TRHDE: variants seen among roughly 807,000 people sequenced by gnomAD.
TRHDE encodes the protein thyrotropin releasing hormone degrading enzyme.
Under a neutral mutation model 125.7 loss-of-function variants are expected in TRHDE, and 72 were observed. That is an observed-to-expected ratio of 0.57 (90% CI 0.47 to 0.70). TRHDE has a LOEUF of 0.70. TRHDE is among the 30% of genes least tolerant of loss of function. The pLI is 0.00. For missense variants in TRHDE, 1,110 were observed against 1,327.1 expected (o/e 0.84, Z 2.54); for synonymous variants, 509 against 509.1 (o/e 1.00, Z 0.00).
intron 5 of TRHDE, 67 bp downstream of exon 5, chr12:72,473,247 C>A: frequency 1.6e-6 from 2 of 1,246,066 alleles, no homozygotes; most frequent in Non-Finnish European, 2.3e-6. Context: ...TAGGCTTATA[C>A]CATCCTTAGA....
intron 6 of TRHDE, among the ~76,000 whole-genome samples, chr12:72,511,052 T>C (rs1279387747): frequency 6.6e-6 from 1 of 152,172 alleles, no homozygotes; most frequent in Non-Finnish European, 1.5e-5. Context: ...TTTCAGTTAA[T>C]ATAAGAAAGA....
intron 1 of TRHDE, among the ~76,000 whole-genome samples, chr12:72,094,001 G>T (rs1874851486): frequency 6.6e-6 from 1 of 152,162 alleles, no homozygotes; most frequent in Non-Finnish European, 1.5e-5. Context: ...CAGGTCCCTG[G>T]GATGATGAGA....
intron 2 of TRHDE, among the ~76,000 whole-genome samples, chr12:72,288,648 A>G (rs891937021): frequency 7.2e-5 from 11 of 152,152 alleles, no homozygotes; most frequent in African/African-American, 2.4e-4. Flanking sequence ...CAGCTAGCAT[A>G]GGGTACACTG....
At chr12:72,638,634 G>A (rs4300427) in intron 15 of TRHDE, among the ~76,000 whole-genome samples, 9,934 of 151,964 alleles carry the variant, frequency 0.065, 420 homozygotes, top group Middle Eastern at 0.13. Context: ...ATTTTGCAGC[G>A]GCTGGTACCG....
intron 3 of TRHDE, among the ~76,000 whole-genome samples, chr12:72,440,668 G>T (rs1244175000): frequency 6.6e-6 from 1 of 151,850 alleles, no homozygotes; most frequent in Non-Finnish European, 1.5e-5. Context: ...AGATTAAACA[G>T]TGACAGTAAG....
intron 12 of TRHDE, among the ~76,000 whole-genome samples, chr12:72,596,746 C>T (rs1426525614): frequency 6.6e-6 from 1 of 152,102 alleles, no homozygotes; most frequent in African/African-American, 2.4e-5. Flanking sequence ...GATACTTGAT[C>T]TCAAGCACTT....
chr12:72,557,855 T>C (rs1398542047), intron 7 of TRHDE, among the ~76,000 whole-genome samples: 1 of 152,192 alleles, frequency 6.6e-6, no homozygotes, highest in Non-Finnish European at 1.5e-5. Context: ...CCTGTATTAA[T>C]ATTTAAATAT....
At chr12:72,313,269 A>T (rs533923336) in intron 2 of TRHDE, among the ~76,000 whole-genome samples, 3 of 152,120 alleles carry the variant, frequency 2.0e-5, no homozygotes, top group East Asian at 3.8e-4. Context: ...CCAAATATTC[A>T]TACAAGTTTT....
In TRHDE at chr12:72,637,112, G is replaced by A. The variant is rs1176501228; in HGVS notation, c.2676-15210G>A. Among the ~76,000 whole-genome samples the A allele has an allele frequency of 6.6e-5, 10 of 152,146 alleles. No individual in the cohort carries two copies. In the East Asian group the frequency reaches 9.7e-4, roughly 15 times the overall value. ...CCTCCTTGTACCTCTGGTAGAATTCGGCTGTGAATCCATCTGGTCCCGGAC... is the reference window on the plus strand; with the variant it reads ...CCTCCTTGTACCTCTGGTAGAATTCAGCTGTGAATCCATCTGGTCCCGGAC... On this transcript the variant is annotated intron_variant, in intron 15 of 18. Transcript: ENST00000261180.
chr12:72,566,735 A>G (rs767563441), intron 9 of TRHDE, among the ~76,000 whole-genome samples: 2 of 151,950 alleles, frequency 1.3e-5, no homozygotes, highest in Non-Finnish European at 2.9e-5. Context: ...TTGCCTTTTA[A>G]CCAGTACTTA....
At chr12:72,388,450 C>A (rs1028501666) in intron 3 of TRHDE, among the ~76,000 whole-genome samples, 1 of 152,022 alleles carries the variant, frequency 6.6e-6, no homozygotes, top group Non-Finnish European at 1.5e-5. Context: ...TGCTCTATTC[C>A]CTCTACTGAG....
intron 3 of TRHDE, 75 bp downstream of exon 3, chr12:72,378,196 C>G: frequency 7.2e-7 from 1 of 1,381,562 alleles, no homozygotes; most frequent in East Asian, 2.4e-5. Context: ...TTTATTTGAG[C>G]CATCCAGAAG....
intron 3 of TRHDE, among the ~76,000 whole-genome samples, chr12:72,434,699 C>T (rs1353290016): frequency 6.6e-6 from 1 of 152,212 alleles, no homozygotes; most frequent in Non-Finnish European, 1.5e-5. Flanking sequence ...TAATGCATGT[C>T]TCTTGAAATC....
At chr12:72,627,967 T>C (rs2096674507) in intron 15 of TRHDE, among the ~76,000 whole-genome samples, 1 of 151,722 alleles carries the variant, frequency 6.6e-6, no homozygotes, top group Non-Finnish European at 1.5e-5. Context: ...GACTGGACTT[T>C]TAACTTTTCT....
intron 3 of TRHDE, among the ~76,000 whole-genome samples, chr12:72,445,418 C>G (rs116628502): frequency 7.3e-4 from 111 of 151,980 alleles, no homozygotes; most frequent in African/African-American, 2.6e-3. Context: ...GCTTGTGCTT[C>G]TCAGGTTTTT....
intron 15 of TRHDE, among the ~76,000 whole-genome samples, chr12:72,634,702 C>T (rs1215620533): frequency 1.4e-5 from 2 of 144,230 alleles, no homozygotes; most frequent in African/African-American, 5.1e-5. Context: ...CCTCCTGTGT[C>T]CATGTGTTCT....
chr12:72,586,129 G>C (rs1444511479), intron 12 of TRHDE, among the ~76,000 whole-genome samples: 1 of 148,846 alleles, frequency 6.7e-6, no homozygotes, highest in Non-Finnish European at 1.5e-5. Flanking sequence ...CTGTAGGCAA[G>C]GTAGCAATGC....
intron 3 of TRHDE, among the ~76,000 whole-genome samples, chr12:72,454,405 G>A (rs1468220288): frequency 6.6e-6 from 1 of 152,094 alleles, no homozygotes; most frequent in Non-Finnish European, 1.5e-5. Context: ...CTCAGGTGCT[G>A]TCATGTGTCC....
intron 9 of TRHDE, among the ~76,000 whole-genome samples, chr12:72,567,800 C>T (rs1870522241): frequency 6.6e-6 from 1 of 152,016 alleles, no homozygotes; most frequent in African/African-American, 2.4e-5. Flanking sequence ...TAAGACCATC[C>T]AGCATATCTC....
Sources: gnomAD v4.1 joint callset for allele counts (sites outside exome capture counted in the v4.1 genomes callset) on GRCh38, gnomAD v4.1.1 for gene constraint, MANE v1.5 for transcripts, NCBI Gene and HGNC (gene_info 2026-07-23, HGNC 2026-07-21) for gene names.